RRBP1: variants seen among roughly 807,000 people sequenced by gnomAD.
RRBP1 encodes ribosome-binding protein 1.
RRBP1 carries 94 observed loss-of-function variants against 165.2 expected under a neutral mutation model. The observed-to-expected ratio is 0.57, with a 90% CI of 0.48 to 0.68. RRBP1 has a LOEUF of 0.68. Ranked by LOEUF, RRBP1 falls within the 30% of genes least tolerant of loss-of-function variation. The pLI, the probability that RRBP1 is intolerant of heterozygous loss-of-function variation, is 0.00. For missense variants in RRBP1, 1,676 were observed against 1,763.0 expected (o/e 0.95, Z 0.88); for synonymous variants, 680 against 714.5 (o/e 0.95, Z 0.77).
At chr20:17,641,408 G>C in intron 5 of RRBP1, 1 of 221,398 alleles carries the variant, frequency 4.5e-6, no homozygotes, top group Admixed American at 5.1e-5. Context: ...AAACAACCTT[G>C]AATCTACTGT....
In RRBP1 at chr20:17,659,830, T is replaced by G; in HGVS notation, c.678A>C (p.Pro226=). Residue 226 remains proline (P), a synonymous_variant, in exon 3 of 25, where the codon CCA becomes CCC. Transcript: ENST00000377813. Reference sequence around the variant, plus strand: ...TTCCCTCTGTCTTTTTGCCCTGGTTTGGGGTTCCCTCTGCCTTTCTGCCCT... The same window carrying G: ...TTCCCTCTGTCTTTTTGCCCTGGTTGGGGGTTCCCTCTGCCTTTCTGCCCT... The part of the protein sequence containing the change: ...PNQGRKAEGT[P]NQGKKTEGTP... The G allele has an allele frequency of 1.3e-6, 2 of 1,550,774 alleles. No individual in the cohort carries two copies. Among genetic ancestry groups the G allele is most frequent in the South Asian group, 2.4e-5 (2 of 84,032 alleles).
Position 17,660,068 on chromosome 20 carries a change from G to A in RRBP1, c.440C>T (p.Ala147Val). 1 of 1,613,982 alleles carries A rather than the reference G, an allele frequency of 6.2e-7. No individual in the cohort carries two copies. The highest frequency in any genetic ancestry group is 8.5e-7 in the Non-Finnish European group (1 of 1,179,962). ...KDKKKKEKKV[A>V]KVEPAVSSVV... ...AGAGCTGACAGCTGGTTCCACTTTT[G>A]CCACTTTTTTCTCCTTCTTCTTTTT... Residue 147 changes from alanine (A) to valine (V), a missense_variant, in exon 3 of 25, where the codon GCA becomes GTA. This residue lies in a region of RRBP1 where 392 missense variants were observed against 382.5 expected (regional missense o/e 1.02). Coordinates refer to ENST00000377813, the MANE Select transcript of RRBP1 (RefSeq NM_001365613.2).
chr20:17,614,056 G>T lies in RRBP1; in HGVS notation c.*126C>A. On this transcript the variant is annotated 3_prime_UTR_variant, in exon 25 of 25. Coordinates refer to ENST00000377813, the MANE Select transcript of RRBP1 (RefSeq NM_001365613.2). ...TGGCTCTAAGAGACTTGTCTCTCATGGCTTCTCTCGGAGCTACCGGAAGTT... is the reference window on the plus strand; with the variant it reads ...TGGCTCTAAGAGACTTGTCTCTCATTGCTTCTCTCGGAGCTACCGGAAGTT... The T allele has an allele frequency of 2.3e-6, 2 of 874,444 alleles. No individual in the cohort carries two copies. The allele number at this position is 874,444 out of a possible 1,614,324, so 54.2% of individuals were successfully genotyped here.
rs1433250507 is a variant in RRBP1 at position 17,682,176 on chromosome 20, C to T, written c.-247G>A. 6.6e-6 allele frequency: 1 copy of T among 152,366 alleles called. No individual in the cohort carries two copies. Among genetic ancestry groups the T allele is most frequent in the Non-Finnish European group, 1.5e-5 (1 of 68,194 alleles). The allele number at this position is 152,366 out of a possible 1,614,324, so 9.4% of individuals were successfully genotyped here. ...GACGCTGCGACCCTGACGCCGCCCG[C>T]CCCGTCTGCCGTCCGCTCCGGCCGC... On this transcript the variant is annotated 5_prime_UTR_variant, in exon 1 of 25. Transcript: ENST00000377813.
chr20:17,655,850 C>G (rs1480338313), intron 3 of RRBP1, among the ~76,000 whole-genome samples: 3 of 152,178 alleles, frequency 2.0e-5, no homozygotes, highest in African/African-American at 4.8e-5. Flanking sequence ...GTTTTTGAAA[C>G]TGCTAGTTAA....
chr20:17,616,943 C>T, intron 20 of RRBP1, 104 bp from the exon 21 acceptor site: 2 of 935,436 alleles, frequency 2.1e-6, no homozygotes, highest in South Asian at 1.4e-5. Context: ...CTCTCAACAG[C>T]CAAAGTCCCT....
intron 2 of RRBP1, among the ~76,000 whole-genome samples, chr20:17,670,671 T>G (rs1225466226): frequency 2.0e-5 from 3 of 152,218 alleles, no homozygotes; most frequent in African/African-American, 7.2e-5. Context: ...CTTTTTCCAC[T>G]TGCCATCACC....
rs116856842 is a variant in RRBP1, at chr20:17,617,909, A to C, written c.3759+687T>G. Among the ~76,000 whole-genome samples the C allele has an allele frequency of 3.6e-3, 551 of 152,370 alleles. 2 individuals are homozygous for C. The highest frequency in any genetic ancestry group is 0.013 in the East Asian group (66 of 5,178). ...GCGGCCTCACAGGGTGCTGCTCACA[A>C]CACCAGCCTTGGGGCGGTACCAGAT... On this transcript the variant is annotated intron_variant, in intron 20 of 24. Coordinates refer to ENST00000377813, the MANE Select transcript of RRBP1 (RefSeq NM_001365613.2).
intron 3 of RRBP1, among the ~76,000 whole-genome samples, chr20:17,658,043 A>T (rs532248928): frequency 3.9e-4 from 59 of 152,224 alleles, no homozygotes; most frequent in Non-Finnish European, 8.2e-4. Context: ...TGGTGGACAG[A>T]ATTATTGCTC....
Position 17,621,955 on chromosome 20 carries a change from G to A in RRBP1, c.3148-8C>T, listed in dbSNP as rs750515446. The A allele has an allele frequency of 1.9e-6, 3 of 1,599,946 alleles. No individual in the cohort carries two copies. The highest frequency in any genetic ancestry group is 2.6e-6 in the Non-Finnish European group (3 of 1,168,418). On this transcript the variant is annotated splice_region_variant and splice_polypyrimidine_tract_variant and intron_variant, in intron 13 of 24. Coordinates refer to ENST00000377813, the MANE Select transcript of RRBP1 (RefSeq NM_001365613.2). Reference sequence around the variant, plus strand: ...CTGCTTCTCCGATTCCTCCTGGGGGGTGGGTGGGGAAGAGCGGAAGGTGTT... The same window carrying A: ...CTGCTTCTCCGATTCCTCCTGGGGGATGGGTGGGGAAGAGCGGAAGGTGTT...
In RRBP1 at chr20:17,651,178, G is replaced by C. The variant is rs868304219; in HGVS notation, c.1912+7418C>G. Among the ~76,000 whole-genome samples the C allele has an allele frequency of 3.9e-5, 6 of 152,230 alleles. No homozygotes were observed. In the Middle Eastern group the frequency reaches 0.01, roughly 259 times the overall value. The stretch of plus-strand genomic sequence containing the variant: ...AGGCTTTCTCCTTATCCCACGTCTG[G>C]GTTTATAATGCTCCCTGCTCCCCAA... On this transcript the variant is annotated intron_variant, in intron 3 of 24. Transcript: ENST00000377813.
At chr20:17,676,772 A>T (rs116686862) in intron 2 of RRBP1, among the ~76,000 whole-genome samples, 2,945 of 152,024 alleles carry the variant, frequency 0.019, 110 homozygotes, top group African/African-American at 0.067. Flanking sequence ...TTATTATGAG[A>T]CAGAGTCTCA....
At chr20:17,665,317 C>A (rs946245303) in intron 2 of RRBP1, among the ~76,000 whole-genome samples, 13 of 152,144 alleles carry the variant, frequency 8.5e-5, no homozygotes, top group Non-Finnish European at 1.5e-4. Context: ...TATTTGGTAA[C>A]ATTTTTTGAC....
chr20:17,631,492 C>CT (rs2036149759), intron 8 of RRBP1, among the ~76,000 whole-genome samples: 1 of 152,270 alleles, frequency 6.6e-6, no homozygotes. Flanking sequence ...GGGCCTCCAT[C>CT]TTAAGACCTC....
At chr20:17,675,220 G>C (rs929996315) in intron 2 of RRBP1, among the ~76,000 whole-genome samples, 6 of 152,260 alleles carry the variant, frequency 3.9e-5, no homozygotes, top group Non-Finnish European at 8.8e-5. Context: ...ACTGGAGGCA[G>C]GCTGGAGGTA....
At chr20:17,663,720 C>G (rs1191956622) in intron 2 of RRBP1, among the ~76,000 whole-genome samples, 3 of 152,178 alleles carry the variant, frequency 2.0e-5, no homozygotes, top group African/African-American at 7.2e-5. Flanking sequence ...GCCAGGGATG[C>G]CTCTCAAATT....
At chr20:17,675,035 T>C (rs1253922821) in intron 2 of RRBP1, among the ~76,000 whole-genome samples, 1 of 152,224 alleles carries the variant, frequency 6.6e-6, no homozygotes, top group Non-Finnish European at 1.5e-5. Context: ...GTGCCATGCA[T>C]GATGGACTCC....
intron 3 of RRBP1, among the ~76,000 whole-genome samples, chr20:17,654,744 G>T (rs543970627): frequency 6.6e-6 from 1 of 152,080 alleles, no homozygotes; most frequent in Non-Finnish European, 1.5e-5. Flanking sequence ...AGCCCCTAAG[G>T]TCTGTCCACT....
intron 7 of RRBP1, among the ~76,000 whole-genome samples, chr20:17,633,946 C>T (rs1192271434): frequency 6.6e-6 from 1 of 152,236 alleles, no homozygotes. Context: ...GATGAAGATC[C>T]ACCCGCCTTG....
Sources: allele counts gnomAD v4.1 joint callset (sites outside exome capture counted in the v4.1 genomes callset), GRCh38; gene constraint gnomAD v4.1.1; regional missense constraint gnomAD v4.1.1; transcripts MANE v1.5; gene names NCBI Gene and HGNC (gene_info 2026-07-23, HGNC 2026-07-21).